CEP250: variants seen among roughly 807,000 people sequenced by gnomAD.
CEP250 encodes centrosome-associated protein CEP250.
A neutral mutation model predicts 315.7 loss-of-function variants in CEP250; 242 were observed. The ratio of observed to expected loss-of-function variants is 0.77; its 90% CI spans 0.69 to 0.85. The LOEUF is 0.85. CEP250 is among the 40% of genes least tolerant of loss of function. The pLI, the probability that CEP250 is intolerant of heterozygous loss-of-function variation, is 0.00. For synonymous variants in CEP250, 1,088 were observed against 1,175.0 expected, an observed-to-expected ratio of 0.93 and a Z score of 1.51; for missense variants, 2,515 against 2,886.4, an observed-to-expected ratio of 0.87 and a Z score of 2.95.
chr20:35,508,117 C>T lies in CEP250; in HGVS notation c.6833C>T (p.Ala2278Val), dbSNP rs1388759072. ...WRQRLEHLQQ[A>V]VARLEIDRSR... ...CAAAGGCTTGAACACCTGCAGCAAG[C>T]AGTGGCCCGGCTGGAGATTGACAGG... Residue 2278 changes from alanine to valine, a missense_variant, in exon 32 of 35, where the codon GCA (alanine) becomes GTA (valine). By Grantham distance (64) the Ala-to-Val change is moderately conservative. Transcript: ENST00000397527. 1.2e-6 allele frequency: 2 copies of T among 1,614,076 alleles called. No individual in the cohort carries two copies. The highest frequency in any genetic ancestry group is 1.7e-6 in the Non-Finnish European group (2 of 1,180,012).
At chr20:35,465,670 A>AG (rs2062859407) in intron 5 of CEP250, 73 bp from the exon 6 acceptor site, 18 of 1,067,808 alleles carry the variant, frequency 1.7e-5, no homozygotes, top group Non-Finnish European at 2.4e-5. Flanking sequence ...CTGCCATGGA[A>AG]GGGAGCCTTA....
At chr20:35,488,462 T>C (rs1050735753) in intron 20 of CEP250, among the ~76,000 whole-genome samples, 4 of 152,094 alleles carry the variant, frequency 2.6e-5, no homozygotes, top group East Asian at 3.9e-4. Context: ...TTATTATTAT[T>C]ATTTCTTTTG....
rs528990754 is a variant in CEP250 at position 35,516,157 on chromosome 20, G to C, written c.*4531G>C. ...GGAGGAGAGATGAGTCTCTGCCAAG[G>C]CTGTGTGATGTGTCATCTGAGAGAG... On this transcript the variant is annotated 3_prime_UTR_variant, in exon 35 of 35. Transcript: ENST00000397527. The C allele has an allele frequency of 3.9e-5, 6 of 152,396 alleles. No homozygotes were observed. Among genetic ancestry groups the C allele is most frequent in the African/African-American group, 1.4e-4 (6 of 41,576 alleles). 9.4% of individuals were successfully genotyped at this position (152,396 alleles called of 1,614,324 possible).
intron 30 of CEP250, 59 bp downstream of exon 30, chr20:35,505,064 G>GCC: frequency 6.9e-7 from 1 of 1,445,958 alleles, no homozygotes; most frequent in Non-Finnish European, 9.3e-7. Flanking sequence ...GCTGAGCTCA[G>GCC]GGACTGCCCA....
intron 20 of CEP250, among the ~76,000 whole-genome samples, chr20:35,487,316 A>G (rs1171270847): frequency 6.6e-6 from 1 of 151,892 alleles, no homozygotes; most frequent in African/African-American, 2.4e-5. Flanking sequence ...AAAAATACAA[A>G]AAAATTAGCC....
At chr20:35,497,100 C>T (rs2063860123) in intron 25 of CEP250, among the ~76,000 whole-genome samples, 1 of 152,080 alleles carries the variant, frequency 6.6e-6, no homozygotes, top group Admixed American at 6.5e-5. Context: ...CTTCCAGGGA[C>T]TCAGTCTGCC....
intron 9 of CEP250, 117 bp from the exon 10 acceptor site, chr20:35,469,772 TG>T (rs1568766014): frequency 1.8e-6 from 1 of 551,018 alleles, no homozygotes; most frequent in East Asian, 3.0e-5. Flanking sequence ...CTAAGGGATT[TG>T]GGGGAGGCTG....
At chr20:35,498,445 T>A in intron 26 of CEP250, 150 bp from the exon 27 acceptor site, 5 of 952,872 alleles carry the variant, frequency 5.2e-6, no homozygotes, top group Admixed American at 2.5e-5. Context: ...CCCATACTTA[T>A]GGAGAAAATA....
chr20:35,490,523 G>A, intron 20 of CEP250, 114 bp from the exon 21 acceptor site: 1 of 891,856 alleles, frequency 1.1e-6, no homozygotes, highest in Non-Finnish European at 1.7e-6. Context: ...GCTTAGAGAG[G>A]TACCAAGGTC....
At chr20:35,457,570 C>T (rs117780002) in intron 1 of CEP250, among the ~76,000 whole-genome samples, 22 of 151,878 alleles carry the variant, frequency 1.4e-4, no homozygotes, top group Non-Finnish European at 2.9e-4. Flanking sequence ...CCTGTGTTGC[C>T]CAGGCTGGTC....
chr20:35,486,875 T>A (rs1184171790), intron 20 of CEP250, among the ~76,000 whole-genome samples: 1 of 152,180 alleles, frequency 6.6e-6, no homozygotes, highest in Non-Finnish European at 1.5e-5. Flanking sequence ...AGGAATCAGA[T>A]GTATACCATG....
rs2064415552 is a variant in CEP250 at position 35,514,664 on chromosome 20, CTGG to C, written c.*3044_*3046del. 6.6e-6 allele frequency: 1 copy of C among 152,334 alleles called. No homozygotes were observed. Among genetic ancestry groups the C allele is most frequent in the African/African-American group, 2.4e-5 (1 of 41,436 alleles). The allele number at this position is 152,334 out of a possible 1,614,324, so 9.4% of individuals were successfully genotyped here. On this transcript the variant is annotated 3_prime_UTR_variant, in exon 35 of 35. Coordinates refer to ENST00000397527, the MANE Select transcript of CEP250 (RefSeq NM_007186.6). Reference sequence around the variant, plus strand: ...AATGTACCCGTTAAAGGAGGAGAAGCTGGTGGTGTATGTTGAGATAAGGAGGGT... The same window carrying C: ...AATGTACCCGTTAAAGGAGGAGAAGCTGGTGTATGTTGAGATAAGGAGGGT...
intron 2 of CEP250, among the ~76,000 whole-genome samples, chr20:35,459,032 T>G (rs1044784180): frequency 7.4e-6 from 1 of 135,768 alleles, no homozygotes; most frequent in African/African-American, 2.9e-5. Context: ...GGCTGGACAG[T>G]GTTGGCCAGG....
rs779400811 is a variant in CEP250, at chr20:35,473,918, G to A, written c.1437G>A (p.Leu479=). Residue 479 remains leucine, a synonymous_variant, in exon 14 of 35, where the codon CTG becomes CTA. Transcript: ENST00000397527. ...QKAREELRQQ[L]EVLEQEAWRL... ...CCAGGGAAGAGCTGCGGCAGCAGCT[G>A]GAGGTGCTAGAGCAGGAGGCATGGC... is the stretch of plus-strand genomic sequence containing the variant. 1.7e-5 allele frequency: 27 copies of A among 1,613,108 alleles called. No homozygotes were observed. In the South Asian group the frequency reaches 2.9e-4, roughly 17 times the overall value.
intron 16 of CEP250, among the ~76,000 whole-genome samples, chr20:35,476,942 G>A (rs760158161): frequency 6.6e-6 from 1 of 152,096 alleles, no homozygotes; most frequent in Non-Finnish European, 1.5e-5. Flanking sequence ...TTCATCTCCT[G>A]GGTTCAAGCA....
intron 20 of CEP250, among the ~76,000 whole-genome samples, chr20:35,485,710 G>A (rs1268525993): frequency 1.7e-5 from 2 of 116,728 alleles, no homozygotes; most frequent in African/African-American, 6.6e-5. Flanking sequence ...TCAGGCTACA[G>A]TGCAATGGTA....
chr20:35,458,461 C>T (rs776707001), intron 2 of CEP250, 87 bp downstream of exon 2: 7 of 152,182 alleles, frequency 4.6e-5, no homozygotes, highest in South Asian at 4.1e-4. Context: ...AATTAATGTA[C>T]AAAAGAAATG....
Position 35,462,342 on chromosome 20 carries a change from C to T in CEP250, c.-26C>T, listed in dbSNP as rs377496493. On this transcript the variant is annotated 5_prime_UTR_variant, in exon 4 of 35. Transcript: ENST00000397527. ...GAACACCCTCTGGCTACCTAGGGACCTGTGGGCCTACCACCTGGTGCCCTC... is the reference window on the plus strand; with the variant it reads ...GAACACCCTCTGGCTACCTAGGGACTTGTGGGCCTACCACCTGGTGCCCTC... 6 of 1,551,050 alleles carry T rather than the reference C, an allele frequency of 3.9e-6. No homozygotes were observed. In the African/African-American group the frequency reaches 8.2e-5, roughly 21 times the overall value.
intron 10 of CEP250, among the ~76,000 whole-genome samples, chr20:35,470,921 G>A (rs1426243082): frequency 6.6e-6 from 1 of 152,178 alleles, no homozygotes; most frequent in Non-Finnish European, 1.5e-5. Context: ...CTTAACATCT[G>A]CCAGGGATGT....
Sources: allele counts gnomAD v4.1 joint callset (sites outside exome capture counted in the v4.1 genomes callset), GRCh38; gene constraint gnomAD v4.1.1; transcripts MANE v1.5; gene names NCBI Gene and HGNC (gene_info 2026-07-23, HGNC 2026-07-21).